RTN3: variants seen among roughly 807,000 people sequenced by gnomAD.
The protein encoded by RTN3 is reticulon 3, also known as reticulon-3.
Under a neutral mutation model 77.8 loss-of-function variants are expected in RTN3, and 49 were observed. The observed-to-expected ratio is 0.63, with a 90% CI of 0.50 to 0.80. The LOEUF (loss-of-function observed/expected upper bound fraction) is 0.80. Ranked by LOEUF, RTN3 falls within the 30% of genes least tolerant of loss-of-function variation. RTN3 has a pLI of 0.00. For synonymous variants in RTN3, 464 were observed against 446.9 expected, an observed-to-expected ratio of 1.04 and a Z score of -0.48; for missense variants, 1,236 against 1,211.9, an observed-to-expected ratio of 1.02 and a Z score of -0.29.
intron 3 of RTN3, among the ~76,000 whole-genome samples, chr11:63,749,421 C>T (rs959469085): frequency 6.6e-6 from 1 of 152,122 alleles, no homozygotes; most frequent in Non-Finnish European, 1.5e-5. Flanking sequence ...TTTTTATTTA[C>T]CACTTTCTTT....
chr11:63,757,395 G>A (rs373170362), intron 8 of RTN3, among the ~76,000 whole-genome samples: 1 of 151,912 alleles, frequency 6.6e-6, no homozygotes, highest in Non-Finnish European at 1.5e-5. Context: ...CTGTCACCCA[G>A]GTTGAAGTGC....
intron 1 of RTN3, among the ~76,000 whole-genome samples, chr11:63,697,701 C>A (rs548381969): frequency 6.6e-6 from 1 of 152,124 alleles, no homozygotes; most frequent in East Asian, 1.9e-4. Context: ...TTCTTGAACT[C>A]CTTCCCTCAG....
Position 63,707,596 on chromosome 11 carries a change from G to T in RTN3, c.199+2689G>T, listed in dbSNP as rs1401544618. ...CACCTGTAATCCTAGCACTTTAGGA[G>T]GCTGAGGCAGGCGGATCACCTGACG... On this transcript the variant is annotated intron_variant, in intron 2 of 8. Coordinates refer to ENST00000377819, the MANE Select transcript of RTN3 (RefSeq NM_001265589.2). Among the ~76,000 whole-genome samples, 3 of 152,226 alleles carry T rather than the reference G, an allele frequency of 2.0e-5. No individual in the cohort carries two copies. The East Asian group carries it at 5.8e-4, about 29-fold the overall frequency.
At position 63,719,203 on chromosome 11, in the gene RTN3, C is replaced by T. The variant is rs755612658; in HGVS notation, c.701C>T (p.Ser234Leu). ...YTYSLSPSKVSGDDVIEKDSP... is the reference protein window; with the variant it reads ...YTYSLSPSKVLGDDVIEKDSP... ...TATTCTTTGTCTCCATCCAAAGTTT[C>T]AGGAGATGATGTTATTGAAAAGGAT... The change falls in exon 3 of 9, where the codon TCA becomes TTA. Residue 234 changes from serine (S) to leucine (L), a missense_variant. Transcript: ENST00000377819. 6 of 1,614,112 alleles carry T rather than the reference C, an allele frequency of 3.7e-6. No individual in the cohort carries two copies. In the South Asian group the frequency reaches 5.5e-5, roughly 15 times the overall value.
chr11:63,691,826 G>C (rs866741571), intron 1 of RTN3, among the ~76,000 whole-genome samples: 6 of 152,132 alleles, frequency 3.9e-5, no homozygotes, highest in Non-Finnish European at 7.3e-5. Flanking sequence ...TGGTCTCCCT[G>C]CTTTCTCCTT....
At chr11:63,739,594 C>A (rs1434424596) in intron 3 of RTN3, among the ~76,000 whole-genome samples, 1 of 152,204 alleles carries the variant, frequency 6.6e-6, no homozygotes, top group African/African-American at 2.4e-5. Flanking sequence ...CTACCTGACA[C>A]ATAACCAGAA....
chr11:63,736,143 A>G (rs1230659615), intron 3 of RTN3, among the ~76,000 whole-genome samples: 1 of 152,132 alleles, frequency 6.6e-6, no homozygotes, highest in Non-Finnish European at 1.5e-5. Flanking sequence ...GGTTGTTGAC[A>G]GAATTCAGTT....
rs2011594832 is a variant in RTN3, at chr11:63,719,433, C to G, written c.931C>G (p.Leu311Val). 5.6e-6 allele frequency: 9 copies of G among 1,614,078 alleles called. No homozygotes were observed. The highest frequency in any genetic ancestry group is 7.6e-6 in the Non-Finnish European group (9 of 1,180,002). Reference sequence around the variant, plus strand: ...AGGACGTTACCCAATGTCTGCATTGCTCAGTAGGCAGTTTTCACACACAAA... The same window carrying G: ...AGGACGTTACCCAATGTCTGCATTGGTCAGTAGGCAGTTTTCACACACAAA... ...EAGRYPMSAL[L>V]SRQFSHTNAA... Residue 311 changes from leucine (L) to valine (V), a missense_variant, in exon 3 of 9, where the codon CTC becomes GTC. Around this residue, in one of 3 missense-constraint regions of RTN3, gnomAD observed 1,056 missense variants for 990.4 expected, o/e 1.07. Transcript: ENST00000377819.
chr11:63,714,096 G>A lies in RTN3; in HGVS notation c.200-4606G>A, dbSNP rs1410447905. On this transcript the variant is annotated intron_variant, in intron 2 of 8. Coordinates refer to ENST00000377819, the MANE Select transcript of RTN3 (RefSeq NM_001265589.2). ...TCTTCATTCTATTTAATGTTTTCAT[G>A]CCTTTATAAACTTTTTACTTCCAGC... 4 of 496,750 alleles carry A rather than the reference G, an allele frequency of 8.1e-6. No homozygotes were observed. The Admixed American group carries it at 8.4e-5, about 10-fold the overall frequency. The allele number at this position is 496,750 out of a possible 1,614,324, so 30.8% of individuals were successfully genotyped here. A position where few individuals can be genotyped will look rare whatever the true frequency, so the allele number is the denominator to read the frequency against.
At chr11:63,692,895 C>T (rs1590783685) in intron 1 of RTN3, among the ~76,000 whole-genome samples, 1 of 152,020 alleles carries the variant, frequency 6.6e-6, no homozygotes, top group South Asian at 2.1e-4. Flanking sequence ...CCAAATTTGT[C>T]ACAATTTGTC....
chr11:63,714,752 A>G (rs917414516), intron 2 of RTN3, among the ~76,000 whole-genome samples: 1 of 151,730 alleles, frequency 6.6e-6, no homozygotes, highest in Non-Finnish European at 1.5e-5. Context: ...GACTCAAGCA[A>G]TTTTCCCTCC....
intron 3 of RTN3, among the ~76,000 whole-genome samples, chr11:63,733,124 G>T (rs1473109940): frequency 6.6e-6 from 1 of 151,910 alleles, no homozygotes; most frequent in Non-Finnish European, 1.5e-5. Context: ...AAACCAGCCT[G>T]GCCAACATGG....
chr11:63,731,028 G>A (rs1050236027), intron 3 of RTN3, among the ~76,000 whole-genome samples: 3 of 152,030 alleles, frequency 2.0e-5, no homozygotes, highest in Admixed American at 1.3e-4. Context: ...CATTGGTATC[G>A]ATAATATACT....
chr11:63,724,002 C>G (rs1432182347), intron 3 of RTN3, among the ~76,000 whole-genome samples: 3 of 151,920 alleles, frequency 2.0e-5, no homozygotes. Context: ...CTCTCACATA[C>G]CTAGTGTAGT....
At chr11:63,727,991 A>C (rs1337563205) in intron 3 of RTN3, among the ~76,000 whole-genome samples, 1 of 152,176 alleles carries the variant, frequency 6.6e-6, no homozygotes, top group African/African-American at 2.4e-5. Flanking sequence ...CCCCAAGATA[A>C]CCATCAGGGC....
intron 3 of RTN3, among the ~76,000 whole-genome samples, chr11:63,722,530 A>G (rs1190424364): frequency 6.6e-6 from 1 of 152,206 alleles, no homozygotes; most frequent in African/African-American, 2.4e-5. Flanking sequence ...GGCCTGCCAC[A>G]TAAGTAGTAC....
intron 3 of RTN3, among the ~76,000 whole-genome samples, chr11:63,734,734 A>AACACACACACAC (rs754454322): frequency 1.5e-3 from 125 of 81,314 alleles, no homozygotes; most frequent in African/African-American, 3.4e-3. Context: ...TCTGTCTCAA[A>AACACACACACAC]ACACACACAC....
At chr11:63,735,597 T>G (rs1458120421) in intron 3 of RTN3, among the ~76,000 whole-genome samples, 1 of 148,772 alleles carries the variant, frequency 6.7e-6, no homozygotes, top group East Asian at 2.0e-4. Flanking sequence ...TCTCTCTCTC[T>G]CTCTTTCTTT....
In RTN3 at chr11:63,719,992, C is replaced by T; in HGVS notation, c.1490C>T (p.Ser497Phe). 6.2e-7 allele frequency: 1 copy of T among 1,614,116 alleles called. No homozygotes were observed. Among genetic ancestry groups the T allele is most frequent in the South Asian group, 1.1e-5 (1 of 91,074 alleles). ...ALGEITEADS[S>F]GESDDTVIED... ...GGAGAAATCACAGAAGCTGATAGTT[C>T]TGGTGAGTCTGATGACACAGTAATA... The change falls in exon 3 of 9, where the codon TCT becomes TTT. Residue 497 changes from serine (S) to phenylalanine (F), a missense_variant. Coordinates refer to ENST00000377819, the MANE Select transcript of RTN3 (RefSeq NM_001265589.2).
Sources: gnomAD v4.1 joint callset for allele counts (sites outside exome capture counted in the v4.1 genomes callset) on GRCh38, gnomAD v4.1.1 for gene constraint, gnomAD v4.1.1 regional missense constraint, MANE v1.5 for transcripts, NCBI Gene and HGNC (gene_info 2026-07-23, HGNC 2026-07-21) for gene names.